Variants in ARHGAP23 observed in about 807,000 individuals in gnomAD.
ARHGAP23 encodes the protein rho GTPase-activating protein 23.
A neutral mutation model predicts 136.3 loss-of-function variants in ARHGAP23; 34 were observed. That is an observed-to-expected ratio of 0.25 (90% CI 0.19 to 0.33). The LOEUF (loss-of-function observed/expected upper bound fraction) is 0.33. Among genes scored for constraint, ARHGAP23 ranks in the 10% least tolerant of loss-of-function variants. The pLI, the probability that ARHGAP23 is intolerant of heterozygous loss-of-function variation, is 1.00. For synonymous variants in ARHGAP23, 832 were observed against 920.5 expected (o/e 0.90, Z 1.74); for missense variants, 1,808 against 2,139.0 (o/e 0.85, Z 3.05).
intron 23 of ARHGAP23, among the ~76,000 whole-genome samples, chr17:38,504,401 G>A (rs900037285): frequency 6.6e-6 from 1 of 152,218 alleles, no homozygotes; most frequent in African/African-American, 2.4e-5. Flanking sequence ...CTGAGAGCCT[G>A]CGGCCTCCTG....
rs577451738 is a variant in ARHGAP23, at chr17:38,505,215, G to GTA, written c.3447+4588_3447+4589dup. Among the ~76,000 whole-genome samples the GTA allele has an allele frequency of 5.5e-4, 83 of 151,562 alleles. 1 individual carries two copies. The Middle Eastern group carries it at 0.01, about 19-fold the overall frequency. Reference sequence around the variant, plus strand: ...TAGAAATGGGGTCTTGCTTCTTTGCGTAGGCTGTTCTTGAATTCCTGGCTT... The same window carrying GTA: ...TAGAAATGGGGTCTTGCTTCTTTGCGTATAGGCTGTTCTTGAATTCCTGGCTT... On this transcript the variant is annotated intron_variant, in intron 23 of 23. Transcript: ENST00000622683.
intron 20 of ARHGAP23, among the ~76,000 whole-genome samples, chr17:38,497,446 C>T (rs12942043): frequency 0.15 from 22,346 of 152,206 alleles, 2,457 homozygotes; most frequent in African/African-American, 0.31. Context: ...GAGTATACCA[C>T]AGGGGTGTGC....
chr17:38,446,364 A>C (rs2039034517), intron 1 of ARHGAP23, among the ~76,000 whole-genome samples: 1 of 152,026 alleles, frequency 6.6e-6, no homozygotes, highest in Admixed American at 6.6e-5. Context: ...AATTATTATT[A>C]TTCATATCAT....
intron 17 of ARHGAP23, among the ~76,000 whole-genome samples, chr17:38,486,581 A>G (rs2040166719): frequency 6.7e-6 from 1 of 149,404 alleles, no homozygotes; most frequent in African/African-American, 2.5e-5. Flanking sequence ...TTTAAAAAAC[A>G]TAGATTGTAC....
intron 12 of ARHGAP23, among the ~76,000 whole-genome samples, 157 bp downstream of exon 12, chr17:38,478,053 G>T (rs1287931977): frequency 1.3e-5 from 2 of 152,222 alleles, no homozygotes; most frequent in African/African-American, 4.8e-5. Context: ...AGGTTTCGGG[G>T]TGAGGAGGGT....
intron 23 of ARHGAP23, among the ~76,000 whole-genome samples, chr17:38,504,321 G>T (rs112867458): frequency 6.6e-6 from 1 of 152,330 alleles, no homozygotes; most frequent in East Asian, 1.9e-4. Flanking sequence ...TGTGTGTGCC[G>T]CAGTGGTCTC....
Position 38,466,744 on chromosome 17 carries a change from A to G in ARHGAP23, c.1061A>G (p.Tyr354Cys). ...TGGCACCGAGCTCGCTCAGATGACT[A>G]CTTGAGCCGGGCCACCCGTTCTGCC... The part of the protein sequence containing the change: ...EGWHRARSDD[Y>C]LSRATRSAEA... The change falls in exon 7 of 24, where the codon TAC becomes TGC. Residue 354 changes from tyrosine (Y) to cysteine (C), a missense_variant. Tyr to Cys is a radical substitution (Grantham distance 194). Coordinates refer to ENST00000622683, the MANE Select transcript of ARHGAP23 (RefSeq NM_001199417.2). The G allele has an allele frequency of 5.2e-6, 8 of 1,547,688 alleles. No homozygotes were observed. Among genetic ancestry groups the G allele is most frequent in the Non-Finnish European group, 7.0e-6 (8 of 1,145,596 alleles).
intron 1 of ARHGAP23, among the ~76,000 whole-genome samples, chr17:38,448,857 C>CTTTTT (rs1567782919): frequency 7.9e-6 from 1 of 126,110 alleles, no homozygotes; most frequent in Non-Finnish European, 1.6e-5. Context: ...AGTTGCCCAG[C>CTTTTT]CTTTTTTTTT....
At chr17:38,501,352 AG>A (rs2040515505) in intron 23 of ARHGAP23, among the ~76,000 whole-genome samples, 1 of 151,924 alleles carries the variant, frequency 6.6e-6, no homozygotes, top group Non-Finnish European at 1.5e-5. Context: ...CCCAGGCTGG[AG>A]TGCAGTGGCA....
chr17:38,473,772 C>T (rs2039822593), intron 11 of ARHGAP23, among the ~76,000 whole-genome samples: 1 of 152,002 alleles, frequency 6.6e-6, no homozygotes, highest in Admixed American at 6.6e-5. Context: ...AGGGGCCTGA[C>T]AGGGAAGATG....
In ARHGAP23 at chr17:38,509,950, T is replaced by C; in HGVS notation, c.3454T>C (p.Trp1152Arg). 1 of 1,249,990 alleles carries C rather than the reference T, an allele frequency of 8.0e-7. No homozygotes were observed. The highest frequency in any genetic ancestry group is 3.9e-5 in the South Asian group (1 of 25,394). The allele number at this position is 1,249,990 out of a possible 1,614,324, so 77.4% of individuals were successfully genotyped here. Residue 1152 changes from tryptophan to arginine, a missense_variant, in exon 24 of 24, where the codon TGG (tryptophan) becomes CGG (arginine). Trp to Arg is a moderately radical substitution (Grantham distance 101). Around this residue, in one of 7 missense-constraint regions of ARHGAP23, gnomAD observed 104 missense variants for 131.8 expected, o/e 0.79. Coordinates refer to ENST00000622683, the MANE Select transcript of ARHGAP23 (RefSeq NM_001199417.2). Reference sequence around the variant, plus strand: ...TGACCTGTCTCCCACACAGGGTTCGTGGGCCCCCAAGAAGGAGCCGTACGC... The same window carrying C: ...TGACCTGTCTCCCACACAGGGTTCGCGGGCCCCCAAGAAGGAGCCGTACGC... ...TCSSAKSKGS[W>R]APKKEPYARE... is the part of the protein sequence containing the mutation.
intron 19 of ARHGAP23, among the ~76,000 whole-genome samples, chr17:38,491,066 C>G (rs2040267764): frequency 1.4e-5 from 2 of 139,178 alleles, no homozygotes; most frequent in Admixed American, 7.8e-5. Flanking sequence ...TTACAGGCAC[C>G]TGGAAGTGAT....
chr17:38,457,148 C>T (rs1232290496), intron 1 of ARHGAP23, among the ~76,000 whole-genome samples: 1 of 152,200 alleles, frequency 6.6e-6, no homozygotes, highest in African/African-American at 2.4e-5. Context: ...CTTGGTCTCC[C>T]AAAGTGCTGG....
At position 38,466,851 on chromosome 17, in the gene ARHGAP23, C is replaced by G; in HGVS notation, c.1168C>G (p.Pro390Ala). 6.5e-7 allele frequency: 1 copy of G among 1,549,126 alleles called. No individual in the cohort carries two copies. Among genetic ancestry groups the G allele is most frequent in the African/African-American group, 1.4e-5 (1 of 73,188 alleles). The change falls in exon 7 of 24, where the codon CCC (proline) becomes GCC (alanine). Residue 390 changes from proline (P) to alanine (A), a missense_variant. Around this residue, in one of 7 missense-constraint regions of ARHGAP23, gnomAD observed 859 missense variants for 936.4 expected, o/e 0.92. Coordinates refer to ENST00000622683, the MANE Select transcript of ARHGAP23 (RefSeq NM_001199417.2). The part of the protein sequence containing the change: ...WASQRSSART[P>A]ACPTRDLPGP... ...TTCCCAGCGTTCGTCTGCCCGCACC[C>G]CCGCCTGCCCAACTCGGGACCTGCC...
intron 1 of ARHGAP23, among the ~76,000 whole-genome samples, chr17:38,432,288 G>A (rs540376651): frequency 5.3e-5 from 8 of 152,360 alleles, no homozygotes; most frequent in African/African-American, 1.9e-4. Context: ...TGTAATCCCA[G>A]CACTTTGGGA....
chr17:38,489,877 T>G (rs1022596447), intron 17 of ARHGAP23: 5 of 559,826 alleles, frequency 8.9e-6, no homozygotes, highest in Admixed American at 6.2e-5. Context: ...TGAACACAGC[T>G]GGGCTACCCC....
intron 19 of ARHGAP23, among the ~76,000 whole-genome samples, 172 bp downstream of exon 19, chr17:38,490,723 T>G (rs2040259085): frequency 6.6e-6 from 1 of 152,084 alleles, no homozygotes; most frequent in African/African-American, 2.4e-5. Flanking sequence ...GTCAGTGCTT[T>G]CCCCCAGAGA....
At chr17:38,479,930 C>CGGGGGG in intron 14 of ARHGAP23, 47 bp downstream of exon 14, 1 of 1,107,272 alleles carries the variant, frequency 9.0e-7, no homozygotes, top group Non-Finnish European at 1.3e-6. Flanking sequence ...GGGCAGGGGG[C>CGGGGGG]ATGGGGAGGG....
In ARHGAP23 at chr17:38,510,143, C is replaced by T. The variant is rs1597859046; in HGVS notation, c.3647C>T (p.Pro1216Leu). 1 of 1,273,728 alleles carries T rather than the reference C, an allele frequency of 7.9e-7. No individual in the cohort carries two copies. The highest frequency in any genetic ancestry group is 3.1e-5 in the South Asian group (1 of 32,014). 78.9% of individuals were successfully genotyped at this position (1,273,728 alleles called of 1,614,324 possible). A position where few individuals can be genotyped will look rare whatever the true frequency, so the allele number is the denominator to read the frequency against. Residue 1216 changes from proline to leucine, a missense_variant, in exon 24 of 24, where the codon CCG (proline) becomes CTG (leucine). Pro to Leu is a moderately conservative substitution (Grantham distance 98, BLOSUM62 -3). This residue lies in a region of ARHGAP23 where 506 missense variants were observed against 455.8 expected (regional missense o/e 1.11). Transcript: ENST00000622683. This position sits in a 1 kb window ranked among gnomAD's most constrained non-coding sequence, Gnocchi z 4.6. ...APGTQERPQG[P>L]LPGAVAPEAP... ...GGGACTCAGGAGCGGCCGCAGGGGC[C>T]GCTGCCTGGCGCCGTCGCCCCCGAG...
Sources: allele counts gnomAD v4.1 joint callset (sites outside exome capture counted in the v4.1 genomes callset), GRCh38; gene constraint gnomAD v4.1.1; regional missense constraint gnomAD v4.1.1; non-coding constraint Gnocchi (gnomAD v3.1); transcripts MANE v1.5; gene names NCBI Gene and HGNC (gene_info 2026-07-23, HGNC 2026-07-21).